Variants in PRIMPOL observed in about 807,000 individuals in gnomAD.
PRIMPOL encodes the protein primase and DNA directed polymerase.
PRIMPOL carries 54 observed loss-of-function variants against 63.6 expected under a neutral mutation model. The observed-to-expected ratio is 0.85, with a 90% CI of 0.68 to 1.07. PRIMPOL has a LOEUF of 1.07. PRIMPOL is among the 50% of genes least tolerant of loss of function. The probability of loss-of-function intolerance (pLI) is 0.00; values close to 1 mark genes in which losing one functional copy is unlikely to be tolerated. For synonymous variants in PRIMPOL, 197 were observed against 220.2 expected (o/e 0.89, Z 0.93); for missense variants, 610 against 648.3 (o/e 0.94, Z 0.64).
intron 4 of PRIMPOL, among the ~76,000 whole-genome samples, chr4:184,659,811 C>G (rs922205195): frequency 6.6e-6 from 1 of 151,874 alleles, no homozygotes; most frequent in African/African-American, 2.4e-5. Context: ...TTGTTATTAG[C>G]TTTAGTTTTA....
chr4:184,655,280 G>A (rs1014426813), intron 2 of PRIMPOL, among the ~76,000 whole-genome samples: 1 of 150,224 alleles, frequency 6.7e-6, no homozygotes, highest in African/African-American at 2.5e-5. Context: ...AAAGTGCTGG[G>A]ATTACAGGCA....
intron 11 of PRIMPOL, among the ~76,000 whole-genome samples, chr4:184,690,571 T>C (rs2150168815): frequency 6.6e-6 from 1 of 152,298 alleles, no homozygotes; most frequent in South Asian, 2.1e-4. Flanking sequence ...GTGATTCTCC[T>C]GCCTCAGCCT....
At chr4:184,687,747 T>C (rs536706720) in intron 11 of PRIMPOL, among the ~76,000 whole-genome samples, 16 of 152,300 alleles carry the variant, frequency 1.1e-4, no homozygotes, top group Admixed American at 1.0e-3. Context: ...CCCGAGTAGC[T>C]GGGATTACAG....
chr4:184,677,363 C>T (rs923711307), intron 7 of PRIMPOL, among the ~76,000 whole-genome samples: 1 of 152,044 alleles, frequency 6.6e-6, no homozygotes, highest in African/African-American at 2.4e-5. Context: ...CCGGTTGGCT[C>T]AGCACTGTTT....
intron 8 of PRIMPOL, among the ~76,000 whole-genome samples, chr4:184,679,395 G>A (rs1754996197): frequency 6.6e-6 from 1 of 152,162 alleles, no homozygotes; most frequent in South Asian, 2.1e-4. Flanking sequence ...GTTCAAAGCT[G>A]CAGTGAGCTA....
chr4:184,681,136 G>C (rs1755512652), intron 8 of PRIMPOL, among the ~76,000 whole-genome samples: 1 of 152,146 alleles, frequency 6.6e-6, no homozygotes, highest in Non-Finnish European at 1.5e-5. Context: ...GTAAATACCA[G>C]GTAGTTTACT....
intron 1 of PRIMPOL, among the ~76,000 whole-genome samples, chr4:184,650,798 C>G (rs1224148228): frequency 6.6e-6 from 1 of 152,228 alleles, no homozygotes; most frequent in African/African-American, 2.4e-5. Context: ...CTGTTTCTAA[C>G]ACTTGCGCCT....
intron 7 of PRIMPOL, among the ~76,000 whole-genome samples, chr4:184,676,330 CCTTCCCTTCCTT>C (rs1753343156): frequency 7.2e-6 from 1 of 138,534 alleles, no homozygotes. Flanking sequence ...CCTTTCCTTC[CCTTCCCTTCCTT>C]TCTCCTTTTC....
At chr4:184,684,883 C>T (rs957976614) in intron 9 of PRIMPOL, among the ~76,000 whole-genome samples, 4 of 152,150 alleles carry the variant, frequency 2.6e-5, no homozygotes, top group Non-Finnish European at 5.9e-5. Flanking sequence ...GCAGTTGCTT[C>T]TGTTAGCTGG....
chr4:184,657,032 A>G, intron 2 of PRIMPOL, 50 bp from the exon 3 acceptor site: 1 of 788,308 alleles, frequency 1.3e-6, no homozygotes. Context: ...CAAACAAAAT[A>G]TATTCTAAAC....
At chr4:184,692,642 G>T (rs1263145513) in intron 13 of PRIMPOL, among the ~76,000 whole-genome samples, 1 of 151,664 alleles carries the variant, frequency 6.6e-6, no homozygotes, top group African/African-American at 2.4e-5. Flanking sequence ...TGAAGTGATA[G>T]CACACATACT....
At chr4:184,662,918 A>C (rs1579352615) in intron 5 of PRIMPOL, among the ~76,000 whole-genome samples, 1 of 151,030 alleles carries the variant, frequency 6.6e-6, no homozygotes, top group African/African-American at 2.4e-5. Flanking sequence ...CCCAAAAAAA[A>C]CCCCAAATTA....
intron 8 of PRIMPOL, among the ~76,000 whole-genome samples, chr4:184,681,930 G>C (rs1755736163): frequency 6.6e-6 from 1 of 152,162 alleles, no homozygotes; most frequent in Non-Finnish European, 1.5e-5. Context: ...TGAATCTGCA[G>C]ATAAGAAACC....
chr4:184,664,808 G>A (rs903574333), intron 5 of PRIMPOL, among the ~76,000 whole-genome samples: 2 of 152,176 alleles, frequency 1.3e-5, no homozygotes, highest in Non-Finnish European at 2.9e-5. Context: ...CTGTAATACA[G>A]AGGAAACATG....
chr4:184,661,561 C>A (rs1452993493), intron 4 of PRIMPOL, among the ~76,000 whole-genome samples: 2 of 151,982 alleles, frequency 1.3e-5, no homozygotes, highest in Non-Finnish European at 2.9e-5. Context: ...CAAAAATTAA[C>A]CAGGCGTGGT....
intron 9 of PRIMPOL, among the ~76,000 whole-genome samples, chr4:184,683,548 C>A (rs919443466): frequency 6.6e-6 from 1 of 152,180 alleles, no homozygotes; most frequent in South Asian, 2.1e-4. Context: ...ACTCTTCTGT[C>A]CATGATCAAA....
In PRIMPOL at chr4:184,678,232, G is replaced by T. The variant is rs766656905; in HGVS notation, c.845G>T (p.Gly282Val). 3.0e-5 allele frequency: 47 copies of T among 1,551,648 alleles called. 2 individuals are homozygous for T. In the South Asian group the frequency reaches 5.6e-4, roughly 18 times the overall value. The change falls in exon 8 of 14, where the codon GGA becomes GTA. Residue 282 changes from glycine (G) to valine (V), a missense_variant and splice_region_variant. By Grantham distance (109) the Gly-to-Val change is moderately radical. Coordinates refer to ENST00000314970, the MANE Select transcript of PRIMPOL (RefSeq NM_152683.4). Reference sequence around the variant, plus strand: ...ATTGTTTTATCAATTTTTGATGTAGGAGTTTATACAAGAAATAGAAACTTT... The same window carrying T: ...ATTGTTTTATCAATTTTTGATGTAGTAGTTTATACAAGAAATAGAAACTTT... Reference protein sequence around the residue: ...MGEKHLFVDLGVYTRNRNFRL... With the variant: ...MGEKHLFVDLVVYTRNRNFRL...
intron 7 of PRIMPOL, among the ~76,000 whole-genome samples, chr4:184,673,635 G>C (rs1338956802): frequency 6.7e-6 from 1 of 148,964 alleles, no homozygotes; most frequent in Non-Finnish European, 1.5e-5. Flanking sequence ...ATGTTGGCCA[G>C]GCTAGTCTCA....
At chr4:184,678,145 A>G in intron 7 of PRIMPOL, 87 bp from the exon 8 acceptor site, 1 of 717,270 alleles carries the variant, frequency 1.4e-6, no homozygotes, top group Non-Finnish European at 2.2e-6. Context: ...TTTTTTATTA[A>G]TGCTATATAA....
Sources: allele counts gnomAD v4.1 joint callset (sites outside exome capture counted in the v4.1 genomes callset), GRCh38; gene constraint gnomAD v4.1.1; transcripts MANE v1.5; gene names NCBI Gene and HGNC (gene_info 2026-07-23, HGNC 2026-07-21).